The following CDYL2 variants were observed in gnomAD, a reference collection of about 807,000 sequenced individuals.
CDYL2 encodes the protein chromodomain Y-like protein 2.
A neutral mutation model predicts 49.4 loss-of-function variants in CDYL2; 23 were observed. That is an observed-to-expected ratio of 0.47 (90% CI 0.34 to 0.66). The LOEUF (loss-of-function observed/expected upper bound fraction) is 0.66. Among genes scored for constraint, CDYL2 ranks in the 30% least tolerant of loss-of-function variants. The pLI is 0.01. For synonymous variants in CDYL2, 360 were observed against 268.8 expected (o/e 1.34, Z -3.32); for missense variants, 678 against 656.4 (o/e 1.03, Z -0.36).
At chr16:80,692,179 G>A (rs1430265128) in intron 1 of CDYL2, among the ~76,000 whole-genome samples, 2 of 152,090 alleles carry the variant, frequency 1.3e-5, no homozygotes, top group East Asian at 3.8e-4. Context: ...CACGTCAAAA[G>A]AAGACTTCAC....
In CDYL2 at chr16:80,650,534, T is replaced by C. The variant is rs186027561; in HGVS notation, c.617-17298A>G. Among the ~76,000 whole-genome samples the C allele has an allele frequency of 4.1e-3, 617 of 152,298 alleles. 5 individuals are homozygous for C. The highest frequency in any genetic ancestry group is 0.014 in the African/African-American group (590 of 41,566). On this transcript the variant is annotated intron_variant, in intron 2 of 6. Transcript: ENST00000570137. ...CACTGTTGGTGGGAATGTAAATTAG[T>C]ACAACCACTATGCAAAACAGTTGGA...
At chr16:80,678,754 A>T (rs1909855569) in intron 2 of CDYL2, among the ~76,000 whole-genome samples, 1 of 151,022 alleles carries the variant, frequency 6.6e-6, no homozygotes, top group Non-Finnish European at 1.5e-5. Context: ...TAGCCATCCC[A>T]TTACTGGGTA....
At chr16:80,785,439 A>G (rs904295798) in intron 1 of CDYL2, among the ~76,000 whole-genome samples, 1 of 152,230 alleles carries the variant, frequency 6.6e-6, no homozygotes, top group African/African-American at 2.4e-5. Context: ...AGAGAACTAC[A>G]GACCACTGCT....
In CDYL2 at chr16:80,774,760, G is replaced by C. The variant is rs150042681; in HGVS notation, c.24+29390C>G. Among the ~76,000 whole-genome samples, 659 of 151,998 alleles carry C rather than the reference G, an allele frequency of 4.3e-3. 6 individuals carry two copies. Among genetic ancestry groups the C allele is most frequent in the African/African-American group, 0.015 (629 of 41,458 alleles). ...GAAGAGTATTTTCAACACTTCATAA[G>C]ATGAAACACAGTATACTCAAGGTCA... On this transcript the variant is annotated intron_variant, in intron 1 of 6. Transcript: ENST00000570137.
intron 1 of CDYL2, among the ~76,000 whole-genome samples, chr16:80,743,925 G>T (rs1347644364): frequency 1.3e-5 from 2 of 152,124 alleles, no homozygotes; most frequent in Admixed American, 6.6e-5. Flanking sequence ...GGTTGCGGTG[G>T]TGGTGGGACT....
intron 1 of CDYL2, among the ~76,000 whole-genome samples, chr16:80,757,545 A>ATAT (rs1303442859): frequency 1.4e-5 from 2 of 145,106 alleles, no homozygotes; most frequent in African/African-American, 5.5e-5. Context: ...TCTCAAAAAA[A>ATAT]AAAAAAAAAT....
intron 2 of CDYL2, among the ~76,000 whole-genome samples, chr16:80,638,541 C>T (rs58873968): frequency 0.42 from 64,108 of 151,682 alleles, 15,643 homozygotes; most frequent in African/African-American, 0.68. Context: ...AAGAATCCAC[C>T]TGGAGGACTC....
intron 1 of CDYL2, among the ~76,000 whole-genome samples, chr16:80,781,416 G>A (rs955225366): frequency 6.6e-6 from 1 of 152,160 alleles, no homozygotes; most frequent in African/African-American, 2.4e-5. Context: ...ATAGGAGGGA[G>A]AGACAGACCG....
intron 2 of CDYL2, among the ~76,000 whole-genome samples, chr16:80,664,288 C>T (rs1259605544): frequency 2.6e-5 from 4 of 152,138 alleles, no homozygotes; most frequent in Non-Finnish European, 2.9e-5. Flanking sequence ...TCCTCTGTTC[C>T]CTTGGCCAGG....
At chr16:80,764,569 T>C (rs1389426215) in intron 1 of CDYL2, among the ~76,000 whole-genome samples, 1 of 152,096 alleles carries the variant, frequency 6.6e-6, no homozygotes. Flanking sequence ...GGAACAAGAA[T>C]GAACAGACAC....
chr16:80,755,802 C>T (rs369419807), intron 1 of CDYL2, among the ~76,000 whole-genome samples: 46 of 152,274 alleles, frequency 3.0e-4, no homozygotes, highest in African/African-American at 9.4e-4. Context: ...CCAATTTTAT[C>T]AAACGTACAA....
At chr16:80,667,833 G>T (rs529520637) in intron 2 of CDYL2, among the ~76,000 whole-genome samples, 1 of 152,172 alleles carries the variant, frequency 6.6e-6, no homozygotes, top group Non-Finnish European at 1.5e-5. Flanking sequence ...CCCCCAACCC[G>T]TGAGGTATGA....
intron 5 of CDYL2, 87 bp from the exon 6 acceptor site, chr16:80,608,322 TC>T: frequency 7.2e-7 from 1 of 1,393,664 alleles, no homozygotes. Flanking sequence ...CCTGCAACCA[TC>T]CCAGTTCTGG....
At chr16:80,640,850 G>GT (rs1567552077) in intron 2 of CDYL2, among the ~76,000 whole-genome samples, 2 of 152,246 alleles carry the variant, frequency 1.3e-5, no homozygotes, top group African/African-American at 2.4e-5. Context: ...TTGAACAAGC[G>GT]TAAGAAAGAA....
At chr16:80,672,535 A>AAAAGGAAAAGG (rs1909564765) in intron 2 of CDYL2, among the ~76,000 whole-genome samples, 1 of 46,306 alleles carries the variant, frequency 2.2e-5, no homozygotes, top group African/African-American at 7.9e-5. Flanking sequence ...AAGGAAAAGG[A>AAAAGGAAAAGG]AAAGGAAAGG....
chr16:80,713,562 A>G (rs1364450516), intron 1 of CDYL2, among the ~76,000 whole-genome samples: 1 of 152,100 alleles, frequency 6.6e-6, no homozygotes, highest in Non-Finnish European at 1.5e-5. Flanking sequence ...ACCGGCCTCA[A>G]CACAATCTTC....
intron 2 of CDYL2, among the ~76,000 whole-genome samples, chr16:80,654,793 C>T (rs1908734400): frequency 6.6e-6 from 1 of 152,204 alleles, no homozygotes; most frequent in East Asian, 1.9e-4. Flanking sequence ...TGTTCCCTTA[C>T]CAAAAGCAAT....
chr16:80,680,978 G>C (rs532856420), intron 2 of CDYL2, among the ~76,000 whole-genome samples: 1 of 152,088 alleles, frequency 6.6e-6, no homozygotes, highest in Non-Finnish European at 1.5e-5. Flanking sequence ...TCAGAATCAA[G>C]AGCAGTGTAG....
In CDYL2 at chr16:80,620,815, G is replaced by A. The variant is rs761655091; in HGVS notation, c.955C>T (p.Arg319Trp). ...SGLDYSYLIG[R>W]LSSDRRKEST... Reference sequence around the variant, plus strand: ...TCCTTTCGCCGGTCGCTGGACAACCGGCCAATTAGGTAGGAATAATCCAGG... The same window carrying A: ...TCCTTTCGCCGGTCGCTGGACAACCAGCCAATTAGGTAGGAATAATCCAGG... Residue 319 changes from arginine (R) to tryptophan (W), a missense_variant, in exon 4 of 7, where the codon CGG becomes TGG. Transcript: ENST00000570137. 1.2e-5 allele frequency: 20 copies of A among 1,611,712 alleles called. No homozygotes were observed. The highest frequency in any genetic ancestry group is 3.3e-5 in the Admixed American group (2 of 59,846).
Sources: allele counts gnomAD v4.1 joint callset (sites outside exome capture counted in the v4.1 genomes callset), GRCh38; gene constraint gnomAD v4.1.1; transcripts MANE v1.5; gene names NCBI Gene and HGNC (gene_info 2026-07-23, HGNC 2026-07-21).